Variants in DGKB observed in about 807,000 individuals in gnomAD.
The protein encoded by DGKB is diacylglycerol kinase beta.
A neutral mutation model predicts 114.3 loss-of-function variants in DGKB; 67 were observed. That is an observed-to-expected ratio of 0.59 (90% CI 0.48 to 0.72). The LOEUF (loss-of-function observed/expected upper bound fraction) is 0.72. DGKB is among the 30% of genes least tolerant of loss of function. DGKB has a pLI of 0.00. For missense variants in DGKB, 907 were observed against 975.2 expected, an observed-to-expected ratio of 0.93 and a Z score of 0.93; for synonymous variants, 398 against 323.1, an observed-to-expected ratio of 1.23 and a Z score of -2.49.
chr7:14,957,825 T>C (rs80233337), intron 1 of DGKB, among the ~76,000 whole-genome samples: 12 of 152,088 alleles, frequency 7.9e-5, no homozygotes, highest in East Asian at 7.7e-4. Context: ...GGCAATAAAG[T>C]AAATGGATTC....
chr7:14,265,574 G>C (rs1797390655), intron 23 of DGKB, among the ~76,000 whole-genome samples: 1 of 151,868 alleles, frequency 6.6e-6, no homozygotes, highest in Non-Finnish European at 1.5e-5. Flanking sequence ...CTAAGACCGA[G>C]TTAGATGACT....
chr7:14,917,489 T>C (rs1229930152), intron 1 of DGKB, among the ~76,000 whole-genome samples: 1 of 151,970 alleles, frequency 6.6e-6, no homozygotes. Context: ...AGAAATGCTA[T>C]ACACAACTCT....
intron 2 of DGKB, among the ~76,000 whole-genome samples, chr7:14,785,834 A>G (rs1042086631): frequency 6.6e-6 from 1 of 152,154 alleles, no homozygotes; most frequent in Non-Finnish European, 1.5e-5. Context: ...AGACTACATC[A>G]AATTTATCTG....
intron 1 of DGKB, among the ~76,000 whole-genome samples, chr7:14,949,696 C>G (rs1263955947): frequency 6.6e-6 from 1 of 151,850 alleles, no homozygotes; most frequent in Admixed American, 6.6e-5. Flanking sequence ...GAGATGAACA[C>G]AGGCATACCA....
At chr7:14,679,277 T>C (rs1820425022) in intron 12 of DGKB, among the ~76,000 whole-genome samples, 1 of 152,074 alleles carries the variant, frequency 6.6e-6, no homozygotes, top group Non-Finnish European at 1.5e-5. Context: ...GCACTTAATA[T>C]GTATGAGGTC....
intron 2 of DGKB, among the ~76,000 whole-genome samples, chr7:14,835,428 G>A (rs762534488): frequency 6.6e-6 from 1 of 152,136 alleles, no homozygotes; most frequent in Non-Finnish European, 1.5e-5. Flanking sequence ...CACAGCACTA[G>A]CCTTCAAACC....
At chr7:14,272,738 A>T (rs966730546) in intron 23 of DGKB, among the ~76,000 whole-genome samples, 3 of 152,308 alleles carry the variant, frequency 2.0e-5, no homozygotes, top group African/African-American at 7.2e-5. Context: ...CTAGGAGATG[A>T]TCTTAATGCA....
chr7:14,404,691 A>T, intron 21 of DGKB, among the ~76,000 whole-genome samples: 1 of 151,348 alleles, frequency 6.6e-6, no homozygotes. Flanking sequence ...TTCTCACTCA[A>T]TCCCTCCCTT....
intron 23 of DGKB, among the ~76,000 whole-genome samples, chr7:14,312,772 T>C (rs1414791398): frequency 6.6e-6 from 1 of 151,930 alleles, no homozygotes; most frequent in Admixed American, 6.6e-5. Context: ...ATGGAAGGAG[T>C]TTTTCAGTTT....
intron 1 of DGKB, among the ~76,000 whole-genome samples, chr7:14,957,564 T>G (rs1393160051): frequency 6.6e-6 from 1 of 152,192 alleles, no homozygotes; most frequent in East Asian, 1.9e-4. Flanking sequence ...GGCTAGCTTT[T>G]GTGCACCTAA....
At chr7:14,174,190 A>C (rs1260301831) in intron 25 of DGKB, among the ~76,000 whole-genome samples, 2 of 152,192 alleles carry the variant, frequency 1.3e-5, no homozygotes, top group Non-Finnish European at 2.9e-5. Flanking sequence ...TGAGCTTCAC[A>C]GTAAGGAGCA....
chr7:14,206,482 G>C (rs1373091122), intron 23 of DGKB, among the ~76,000 whole-genome samples: 2 of 152,042 alleles, frequency 1.3e-5, no homozygotes, highest in Non-Finnish European at 2.9e-5. Context: ...TTGCAGCACA[G>C]AATTTCAGGG....
At chr7:14,613,741 C>A (rs1443098227) in intron 15 of DGKB, among the ~76,000 whole-genome samples, 2 of 151,720 alleles carry the variant, frequency 1.3e-5, no homozygotes, top group African/African-American at 4.8e-5. Flanking sequence ...AGTAAGTGAA[C>A]AAGCCAGAAT....
intron 25 of DGKB, among the ~76,000 whole-genome samples, chr7:14,171,945 A>G (rs1251745039): frequency 2.0e-5 from 3 of 152,202 alleles, no homozygotes; most frequent in African/African-American, 7.2e-5. Context: ...GGAGCTGGAC[A>G]TATAACTGAG....
intron 20 of DGKB, among the ~76,000 whole-genome samples, chr7:14,494,371 T>A (rs1785006265): frequency 6.6e-6 from 1 of 151,256 alleles, no homozygotes; most frequent in Non-Finnish European, 1.5e-5. Flanking sequence ...ATAAGCATCT[T>A]GAGACAATCT....
At chr7:14,495,458 G>A (rs1785169073) in intron 20 of DGKB, among the ~76,000 whole-genome samples, 1 of 151,736 alleles carries the variant, frequency 6.6e-6, no homozygotes, top group Non-Finnish European at 1.5e-5. Context: ...GAAAAAAGAA[G>A]TTTTCAGGCT....
At chr7:14,440,440 T>A (rs1454016836) in intron 21 of DGKB, among the ~76,000 whole-genome samples, 1 of 152,136 alleles carries the variant, frequency 6.6e-6, no homozygotes, top group Non-Finnish European at 1.5e-5. Flanking sequence ...CCTCCAGTGA[T>A]ATACTGAGTT....
chr7:14,260,466 C>T (rs1796607710), intron 23 of DGKB, among the ~76,000 whole-genome samples: 1 of 152,190 alleles, frequency 6.6e-6, no homozygotes, highest in African/African-American at 2.4e-5. Context: ...TCCAGCAGCA[C>T]ATGCCAATAA....
intron 1 of DGKB, among the ~76,000 whole-genome samples, chr7:14,856,028 A>C (rs1850105539): frequency 7.3e-6 from 1 of 137,656 alleles, no homozygotes; most frequent in Non-Finnish European, 1.6e-5. Flanking sequence ...CACATAATTA[A>C]CATACTCCTA....
Sources: gnomAD v4.1 joint callset for allele counts (sites outside exome capture counted in the v4.1 genomes callset) on GRCh38, gnomAD v4.1.1 for gene constraint, MANE v1.5 for transcripts, NCBI Gene and HGNC (gene_info 2026-07-23, HGNC 2026-07-21) for gene names.